Variants in TMEM132B observed in about 807,000 individuals in gnomAD.
TMEM132B encodes the protein transmembrane protein 132B.
In TMEM132B, 18 loss-of-function variants were observed where a neutral mutation model predicts 90.8. The observed-to-expected ratio is 0.20, with a 90% CI of 0.14 to 0.29. The LOEUF is 0.29. Among genes scored for constraint, TMEM132B ranks in the 10% least tolerant of loss-of-function variants. The probability of loss-of-function intolerance (pLI) is 1.00; values close to 1 mark genes in which losing one functional copy is unlikely to be tolerated. For missense variants in TMEM132B, 1,096 were observed against 1,326.8 expected (o/e 0.83, Z 2.70); for synonymous variants, 504 against 523.3 (o/e 0.96, Z 0.50).
intron 4 of TMEM132B, among the ~76,000 whole-genome samples, chr12:125,570,224 T>C (rs1179433760): frequency 6.6e-6 from 1 of 152,228 alleles, no homozygotes; most frequent in Non-Finnish European, 1.5e-5. Flanking sequence ...CCTCCATATG[T>C]ACTGAGAGCT....
chr12:125,204,968 C>T (rs111755825), intron 1 of TMEM132B, among the ~76,000 whole-genome samples: 2 of 124,344 alleles, frequency 1.6e-5, no homozygotes, highest in African/African-American at 6.5e-5. Flanking sequence ...ATGAGGGCTC[C>T]GTGTACCAGG....
intron 3 of TMEM132B, among the ~76,000 whole-genome samples, chr12:125,508,132 A>G (rs1882892304): frequency 1.3e-5 from 2 of 152,154 alleles, no homozygotes; most frequent in Admixed American, 1.3e-4. Context: ...AGTTGCCTTT[A>G]ATGGGGAAGA....
chr12:125,627,772 A>G (rs1432063349), intron 5 of TMEM132B, among the ~76,000 whole-genome samples: 1 of 151,998 alleles, frequency 6.6e-6, no homozygotes, highest in East Asian at 1.9e-4. Flanking sequence ...TATTCTTTCT[A>G]TCATTTTGTA....
At chr12:125,545,405 CTCT>C (rs1884063299) in intron 4 of TMEM132B, among the ~76,000 whole-genome samples, 1 of 152,210 alleles carries the variant, frequency 6.6e-6, no homozygotes, top group African/African-American at 2.4e-5. Flanking sequence ...GCTCAGATTG[CTCT>C]TCATTTCCCA....
At chr12:125,450,697 T>A (rs1289848353) in intron 3 of TMEM132B, among the ~76,000 whole-genome samples, 1 of 152,190 alleles carries the variant, frequency 6.6e-6, no homozygotes, top group Non-Finnish European at 1.5e-5. Context: ...ATTATTTACA[T>A]GGTCTCAAAA....
Position 125,644,086 on chromosome 12 carries a change from A to G in TMEM132B, c.1448A>G (p.Asn483Ser). 6.2e-7 allele frequency: 1 copy of G among 1,614,206 alleles called. No homozygotes were observed. Among genetic ancestry groups the G allele is most frequent in the Non-Finnish European group, 8.5e-7 (1 of 1,180,032 alleles). ...ADEDVIKVSN[N>S]CDSIFVNGKE... ...ACCTCCTTCCCAAAGGTTTCCAACA[A>G]CTGTGATTCCATTTTTGTGAATGGG... Residue 483 changes from asparagine to serine, a missense_variant, in exon 6 of 9, where the codon AAC becomes AGC. Coordinates refer to ENST00000682704, the MANE Select transcript of TMEM132B (RefSeq NM_001366854.1).
chr12:125,579,589 C>T (rs552312755), intron 4 of TMEM132B, among the ~76,000 whole-genome samples: 1 of 152,162 alleles, frequency 6.6e-6, no homozygotes, highest in African/African-American at 2.4e-5. Context: ...GTCTCAAACT[C>T]CTGACCTCAT....
chr12:125,318,200 C>T (rs1215116212), intron 1 of TMEM132B, among the ~76,000 whole-genome samples: 3 of 151,904 alleles, frequency 2.0e-5, no homozygotes, highest in Non-Finnish European at 4.4e-5. Flanking sequence ...AAAAAACTCA[C>T]AACATGGTGA....
Position 125,207,527 on chromosome 12 carries a change from G to A in TMEM132B, c.67+20661G>A, listed in dbSNP as rs550892072. 4.6e-5 allele frequency among the ~76,000 whole-genome samples: 7 copies of A among 152,320 alleles called. 1 individual carries two copies. In the South Asian group the frequency reaches 1.0e-3, roughly 23 times the overall value. On this transcript the variant is annotated intron_variant, in intron 1 of 8. Transcript: ENST00000682704. ...CGCCAGCCACATGTTGATGTGGAGC[G>A]CTGAAATGTGACCACTGTGTCTGAG... is the stretch of plus-strand genomic sequence containing the variant.
chr12:125,646,505 G>A (rs1886768228), intron 6 of TMEM132B, among the ~76,000 whole-genome samples: 1 of 152,194 alleles, frequency 6.6e-6, no homozygotes. Flanking sequence ...TGCCCTGCCT[G>A]CCTGACATCT....
At chr12:125,428,114 C>T (rs1336159413) in intron 3 of TMEM132B, among the ~76,000 whole-genome samples, 11 of 152,086 alleles carry the variant, frequency 7.2e-5, no homozygotes, top group Admixed American at 3.3e-4. Flanking sequence ...ACCTCAGCCT[C>T]CCAGGTAGCT....
chr12:125,415,617 G>A lies in TMEM132B; in HGVS notation c.1046G>A (p.Gly349Asp), dbSNP rs1488163815. The A allele has an allele frequency of 1.9e-6, 3 of 1,614,096 alleles. No homozygotes were observed. The highest frequency in any genetic ancestry group is 2.5e-6 in the Non-Finnish European group (3 of 1,180,038). The change falls in exon 3 of 9, where the codon GGC (glycine) becomes GAC (aspartate). Residue 349 changes from glycine to aspartate, a missense_variant. Transcript: ENST00000682704. The surrounding 1 kb of genome is among the most constrained non-coding windows in gnomAD (Gnocchi z 5.3). ...GCAGTCCAGGAGGAAATTGATAATG[G>A]CAGCACTCAGACGTCGGCCACCCTC... ...QWAVQEEIDN[G>D]STQTSATLTC...
chr12:125,288,394 C>T (rs530060550), intron 1 of TMEM132B, among the ~76,000 whole-genome samples: 1 of 143,256 alleles, frequency 7.0e-6, no homozygotes, highest in Admixed American at 7.5e-5. Context: ...ATCCCCGAGG[C>T]AGAGGTTGCA....
chr12:125,441,777 T>C lies in TMEM132B; in HGVS notation c.1106+26100T>C, dbSNP rs183455524. On this transcript the variant is annotated intron_variant, in intron 3 of 8. Coordinates refer to ENST00000682704, the MANE Select transcript of TMEM132B (RefSeq NM_001366854.1). ...GATCACTCGTGTGAATTTAGTCAGA[T>C]AACAAACTCTTTCTGAATCTCTTCT... Among the ~76,000 whole-genome samples the C allele has an allele frequency of 4.2e-3, 637 of 152,360 alleles. 2 individuals are homozygous for C. Among genetic ancestry groups the C allele is most frequent in the Non-Finnish European group, 7.0e-3 (475 of 68,036 alleles).
At chr12:125,604,421 G>T (rs1219531550) in intron 5 of TMEM132B, among the ~76,000 whole-genome samples, 1 of 118,776 alleles carries the variant, frequency 8.4e-6, no homozygotes, top group Non-Finnish European at 1.7e-5. Flanking sequence ...ACAGGGAGGG[G>T]AACAATACAC....
intron 4 of TMEM132B, among the ~76,000 whole-genome samples, chr12:125,574,662 T>G (rs1334244209): frequency 6.6e-6 from 1 of 152,112 alleles, no homozygotes. Context: ...CTCATGGACA[T>G]AGAGTATGAG....
chr12:125,268,715 G>A (rs970501353), intron 1 of TMEM132B, among the ~76,000 whole-genome samples: 6 of 152,216 alleles, frequency 3.9e-5, no homozygotes, highest in African/African-American at 1.4e-4. Flanking sequence ...TAAGACAGAA[G>A]GGAGGAGACA....
intron 3 of TMEM132B, among the ~76,000 whole-genome samples, chr12:125,509,625 G>A (rs1023925103): frequency 6.6e-6 from 1 of 152,180 alleles, no homozygotes; most frequent in South Asian, 2.1e-4. Flanking sequence ...TGGCTGCGGG[G>A]AGTGGATTTG....
At chr12:125,558,940 T>C (rs886928753) in intron 4 of TMEM132B, among the ~76,000 whole-genome samples, 3 of 152,178 alleles carry the variant, frequency 2.0e-5, no homozygotes, top group Non-Finnish European at 4.4e-5. Flanking sequence ...TTTGAGATGA[T>C]GATATATGAT....
Sources: allele counts gnomAD v4.1 joint callset (sites outside exome capture counted in the v4.1 genomes callset), GRCh38; gene constraint gnomAD v4.1.1; non-coding constraint Gnocchi (gnomAD v3.1); transcripts MANE v1.5; gene names NCBI Gene and HGNC (gene_info 2026-07-23, HGNC 2026-07-21).